The following DIP2B variants were observed in gnomAD, a reference collection of about 807,000 sequenced individuals.
The protein encoded by DIP2B is disco-interacting protein 2 homolog B.
Under a neutral mutation model 198.0 loss-of-function variants are expected in DIP2B, and 76 were observed. That is an observed-to-expected ratio of 0.38 (90% CI 0.32 to 0.46). The LOEUF is 0.46. Among genes scored for constraint, DIP2B ranks in the 20% least tolerant of loss-of-function variants. The probability of loss-of-function intolerance (pLI) is 0.99; values close to 1 mark genes in which losing one functional copy is unlikely to be tolerated. For synonymous variants in DIP2B, 701 were observed against 739.1 expected (o/e 0.95, Z 0.84); for missense variants, 1,559 against 1,978.4 (o/e 0.79, Z 4.02).
chr12:50,706,264 G>T (rs1298813109), intron 20 of DIP2B, among the ~76,000 whole-genome samples: 1 of 152,124 alleles, frequency 6.6e-6, no homozygotes, highest in Non-Finnish European at 1.5e-5. Context: ...TGGAATCCTA[G>T]TTGCTTTCTT....
chr12:50,620,495 G>A (rs1260905351), intron 1 of DIP2B, among the ~76,000 whole-genome samples: 3 of 152,106 alleles, frequency 2.0e-5, no homozygotes, highest in East Asian at 1.9e-4. Context: ...GACTCGCCAC[G>A]ACCATTCTCT....
rs60815215 is a variant in DIP2B, at chr12:50,663,555, C to CAAAT, written c.427+3260_427+3263dup. 1.9e-3 allele frequency among the ~76,000 whole-genome samples: 265 copies of CAAAT among 141,894 alleles called. 3 individuals are homozygous for CAAAT. The highest frequency in any genetic ancestry group is 2.0e-3 in the Non-Finnish European group (130 of 65,852). 93.1% of individuals were successfully genotyped at this position (141,894 alleles called of 152,430 possible). A position where few individuals can be genotyped will look rare whatever the true frequency, so the allele number is the denominator to read the frequency against. On this transcript the variant is annotated intron_variant, in intron 4 of 37. Transcript: ENST00000301180. ...TGGGCAACAGAGCCAGACTCCGTCT[C>CAAAT]AAATAAATAAATAAATAAATAAATA...
intron 1 of DIP2B, among the ~76,000 whole-genome samples, chr12:50,625,031 T>C (rs1301964534): frequency 6.6e-6 from 1 of 152,248 alleles, no homozygotes; most frequent in East Asian, 1.9e-4. Context: ...GTACTTTTAA[T>C]ACTACAATTT....
At chr12:50,722,198 C>T (rs940699071) in intron 26 of DIP2B, among the ~76,000 whole-genome samples, 3 of 151,618 alleles carry the variant, frequency 2.0e-5, no homozygotes, top group African/African-American at 4.8e-5. Flanking sequence ...TTTCTTTGGC[C>T]TGTTATCCCC....
chr12:50,682,032 T>C (rs572198899), intron 9 of DIP2B, among the ~76,000 whole-genome samples: 1 of 152,336 alleles, frequency 6.6e-6, no homozygotes, highest in South Asian at 2.1e-4. Flanking sequence ...CGTAATTAAG[T>C]TTCAAATATT....
chr12:50,602,359 C>G (rs923618888), intron 1 of DIP2B, among the ~76,000 whole-genome samples: 6 of 152,138 alleles, frequency 3.9e-5, no homozygotes, highest in Admixed American at 6.5e-5. Context: ...GTCTCTGCCC[C>G]TGGGACTCAA....
At chr12:50,731,882 A>G (rs1326378643) in intron 31 of DIP2B, among the ~76,000 whole-genome samples, 1 of 152,218 alleles carries the variant, frequency 6.6e-6, no homozygotes, top group Non-Finnish European at 1.5e-5. Flanking sequence ...GGAATTCAGA[A>G]TATCTCCAAA....
In DIP2B at chr12:50,555,631, A is replaced by G. The variant is rs984526132; in HGVS notation, c.100+50391A>G. 8.1e-4 allele frequency among the ~76,000 whole-genome samples: 122 copies of G among 151,470 alleles called. 1 individual carries two copies. Among genetic ancestry groups the G allele is most frequent in the African/African-American group, 2.7e-3 (112 of 41,168 alleles). On this transcript the variant is annotated intron_variant, in intron 1 of 37. Coordinates refer to ENST00000301180, the MANE Select transcript of DIP2B (RefSeq NM_173602.3). Reference sequence around the variant, plus strand: ...CTCACTTTTTATCTGCCTTTTATCTATTTGTCGCCTCTGACTTCTGACTTT... The same window carrying G: ...CTCACTTTTTATCTGCCTTTTATCTGTTTGTCGCCTCTGACTTCTGACTTT...
intron 1 of DIP2B, among the ~76,000 whole-genome samples, chr12:50,582,535 AAAAT>A (rs1958735126): frequency 6.6e-6 from 1 of 152,186 alleles, no homozygotes; most frequent in African/African-American, 2.4e-5. Flanking sequence ...TTGGAAGTAT[AAAAT>A]AAATACTGGC....
At chr12:50,611,144 G>T (rs771356427) in intron 1 of DIP2B, among the ~76,000 whole-genome samples, 4 of 152,164 alleles carry the variant, frequency 2.6e-5, no homozygotes, top group Non-Finnish European at 4.4e-5. Context: ...ATTAAAGAGA[G>T]AAAGGATTGT....
At chr12:50,511,582 C>T (rs181942083) in intron 1 of DIP2B, among the ~76,000 whole-genome samples, 1 of 151,894 alleles carries the variant, frequency 6.6e-6, no homozygotes, top group Non-Finnish European at 1.5e-5. Context: ...CATGAGCCAC[C>T]AGGCCGGGCC....
rs1938241468 is a variant in DIP2B, at chr12:50,640,746, A to G, written c.195A>G (p.Lys65=). 2 of 1,613,782 alleles carry G rather than the reference A, an allele frequency of 1.2e-6. No individual in the cohort carries two copies. The highest frequency in any genetic ancestry group is 1.7e-5 in the Admixed American group (1 of 59,996). The part of the protein sequence containing the change: ...QTQETDSAVQ[K]ELRNQTPAPS... ...TAGAAACTGATTCAGCAGTACAGAA[A>G]GAACTTAGAAACCAGACACCTGCTC... is the stretch of plus-strand genomic sequence containing the variant. Residue 65 remains lysine, a synonymous_variant, in exon 3 of 38, where the codon AAA becomes AAG. Coordinates refer to ENST00000301180, the MANE Select transcript of DIP2B (RefSeq NM_173602.3).
chr12:50,623,445 T>A (rs1448556518), intron 1 of DIP2B, among the ~76,000 whole-genome samples: 226 of 126,512 alleles, frequency 1.8e-3, no homozygotes, highest in African/African-American at 6.7e-3. Flanking sequence ...ACACTCTCTC[T>A]CTCTCTCTCT....
At position 50,714,603 on chromosome 12, in the gene DIP2B, T is replaced by C. The variant is rs377038064; in HGVS notation, c.2851+7T>C. 1.7e-5 allele frequency: 27 copies of C among 1,613,962 alleles called. No individual in the cohort carries two copies. Among genetic ancestry groups the C allele is most frequent in the Non-Finnish European group, 2.3e-5 (27 of 1,179,864 alleles). On this transcript the variant is annotated splice_region_variant and intron_variant, in intron 23 of 37. Coordinates refer to ENST00000301180, the MANE Select transcript of DIP2B (RefSeq NM_173602.3). ...CCCCGGCAAAAACAACCAGGTAATA[T>C]GCTGGCTTCCAAGACCTGGCACTAA...
In DIP2B at chr12:50,657,437, A is replaced by G. The variant is rs1045995766; in HGVS notation, c.302-2757A>G. Among the ~76,000 whole-genome samples the G allele has an allele frequency of 1.3e-5, 2 of 152,118 alleles. 1 individual carries two copies. Among genetic ancestry groups the G allele is most frequent in the Admixed American group, 1.3e-4 (2 of 15,256 alleles). On this transcript the variant is annotated intron_variant, in intron 3 of 37. Coordinates refer to ENST00000301180, the MANE Select transcript of DIP2B (RefSeq NM_173602.3). The stretch of plus-strand genomic sequence containing the variant: ...AGTGACCAAAGTAACCAACTTTGCA[A>G]TTAGAGTTATGTTACCATAGTGGAG...
chr12:50,522,782 A>G (rs1432421292), intron 1 of DIP2B, among the ~76,000 whole-genome samples: 1 of 152,216 alleles, frequency 6.6e-6, no homozygotes, highest in Non-Finnish European at 1.5e-5. Context: ...ATATTGCAAG[A>G]GAAAACCTAG....
chr12:50,625,179 C>G (rs1937908765), intron 1 of DIP2B, among the ~76,000 whole-genome samples: 1 of 152,168 alleles, frequency 6.6e-6, no homozygotes, highest in South Asian at 2.1e-4. Context: ...CATCCCTCAG[C>G]TTTAAATCAC....
intron 3 of DIP2B, among the ~76,000 whole-genome samples, chr12:50,652,942 A>G (rs1276781041): frequency 1.4e-5 from 2 of 139,734 alleles, no homozygotes; most frequent in Non-Finnish European, 3.1e-5. Context: ...TAGAAACACA[A>G]CTGTTTTTTT....
At chr12:50,703,997 C>T in intron 19 of DIP2B, 143 bp from the exon 20 acceptor site, 1 of 529,720 alleles carries the variant, frequency 1.9e-6, no homozygotes, top group East Asian at 4.0e-5. Context: ...GTAATTATTT[C>T]TTATCTCTAA....
Sources: gnomAD v4.1 joint callset for allele counts (sites outside exome capture counted in the v4.1 genomes callset) on GRCh38, gnomAD v4.1.1 for gene constraint, MANE v1.5 for transcripts, NCBI Gene and HGNC (gene_info 2026-07-23, HGNC 2026-07-21) for gene names.